The following KRCC1 variants were observed in gnomAD, a reference collection of about 807,000 sequenced individuals.
KRCC1 encodes the protein lysine rich coiled-coil 1.
In KRCC1, 3 loss-of-function variants were observed where a neutral mutation model predicts 7.4. The observed-to-expected ratio is 0.40, with a 90% CI of 0.18 to 1.04. The LOEUF (loss-of-function observed/expected upper bound fraction) is 1.04. KRCC1 is among the 50% of genes least tolerant of loss of function. KRCC1 has a pLI of 0.33. For missense variants in KRCC1, 277 were observed against 300.9 expected (o/e 0.92, Z 0.59); for synonymous variants, 102 against 101.6 (o/e 1.00, Z -0.02).
At chr2:88,047,409 G>GT (rs1303719876) in intron 1 of KRCC1, among the ~76,000 whole-genome samples, 2 of 151,814 alleles carry the variant, frequency 1.3e-5, no homozygotes, top group African/African-American at 4.8e-5. Flanking sequence ...CATATGAAAT[G>GT]TTTTTCAGAC....
chr2:88,039,478 G>A (rs962906745), intron 1 of KRCC1, among the ~76,000 whole-genome samples: 4 of 152,122 alleles, frequency 2.6e-5, no homozygotes, highest in Non-Finnish European at 4.4e-5. Context: ...CTTGAGCCCA[G>A]GAGTTTGAGA....
rs1672896928 is a variant in KRCC1, at chr2:88,027,544, G to A, written c.*240C>T. 2.5e-6 allele frequency: 1 copy of A among 400,760 alleles called. No individual in the cohort carries two copies. Among genetic ancestry groups the A allele is most frequent in the African/African-American group, 2.1e-5 (1 of 48,304 alleles). 24.8% of individuals were successfully genotyped at this position (400,760 alleles called of 1,614,324 possible). A position where few individuals can be genotyped will look rare whatever the true frequency, so the allele number is the denominator to read the frequency against. ...AAGCAATTTGATGAATAAAAGCAGA[G>A]TCACTTTCATTAAAGGAAATTACAC... On this transcript the variant is annotated 3_prime_UTR_variant, in exon 4 of 4. Transcript: ENST00000347055.
At chr2:88,044,863 A>ATTT (rs11302450) in intron 1 of KRCC1, among the ~76,000 whole-genome samples, 88 of 105,844 alleles carry the variant, frequency 8.3e-4, no homozygotes, top group African/African-American at 2.1e-3. Context: ...GAGTTTGATA[A>ATTT]TTTTTTTTTT....
At chr2:88,048,702 C>T (rs1037428586) in intron 1 of KRCC1, among the ~76,000 whole-genome samples, 1 of 152,138 alleles carries the variant, frequency 6.6e-6, no homozygotes, top group African/African-American at 2.4e-5. Context: ...ACTGGCTAGG[C>T]GCTCTAGTAC....
At position 88,034,312 on chromosome 2, in the gene KRCC1, T is replaced by C. The variant is rs978696050; in HGVS notation, c.-181-20A>G. ...ACTCATCTGAAACCAAACACAATCT[T>C]GTTACAAAGATTAAATAATTCAAAG... On this transcript the variant is annotated intron_variant, in intron 2 of 3. Coordinates refer to ENST00000347055, the MANE Select transcript of KRCC1 (RefSeq NM_016618.3). 1 of 152,544 alleles carries C rather than the reference T, an allele frequency of 6.6e-6. No homozygotes were observed. 9.4% of individuals were successfully genotyped at this position (152,544 alleles called of 1,614,324 possible). A position where few individuals can be genotyped will look rare whatever the true frequency, so the allele number is the denominator to read the frequency against.
At chr2:88,041,447 G>C (rs1476821855) in intron 1 of KRCC1, among the ~76,000 whole-genome samples, 1 of 152,194 alleles carries the variant, frequency 6.6e-6, no homozygotes, top group African/African-American at 2.4e-5. Flanking sequence ...CAAATGTATA[G>C]TATCTTGCAC....
intron 3 of KRCC1, among the ~76,000 whole-genome samples, chr2:88,032,347 CTG>C (rs145990811): frequency 4.7e-5 from 7 of 148,700 alleles, no homozygotes; most frequent in Admixed American, 4.1e-4. Flanking sequence ...CACATTTTTA[CTG>C]TGTCTTTTTG....
At chr2:88,053,991 G>C (rs1379124560) in intron 1 of KRCC1, among the ~76,000 whole-genome samples, 1 of 152,164 alleles carries the variant, frequency 6.6e-6, no homozygotes, top group African/African-American at 2.4e-5. Flanking sequence ...TTTTACTTAG[G>C]TCTTCTGCAG....
intron 1 of KRCC1, among the ~76,000 whole-genome samples, chr2:88,053,121 G>C (rs1673532954): frequency 6.6e-6 from 1 of 151,404 alleles, no homozygotes; most frequent in African/African-American, 2.4e-5. Context: ...TCTTCTCGGG[G>C]GTACGATCAT....
intron 3 of KRCC1, among the ~76,000 whole-genome samples, chr2:88,033,427 G>A (rs1435639919): frequency 1.3e-5 from 2 of 152,170 alleles, no homozygotes; most frequent in Admixed American, 6.5e-5. Flanking sequence ...TTGGGAGGCT[G>A]AGGCAGGAGA....
Position 88,046,732 on chromosome 2 carries a change from G to A in KRCC1, c.-291+8894C>T, listed in dbSNP as rs370478321. On this transcript the variant is annotated intron_variant, in intron 1 of 3. Coordinates refer to ENST00000347055, the MANE Select transcript of KRCC1 (RefSeq NM_016618.3). Reference sequence around the variant, plus strand: ...GTCACCCAGGTTAGAGTGCAGTGGTGCAATCTCGACTCACAGCAGCCTCAA... The same window carrying A: ...GTCACCCAGGTTAGAGTGCAGTGGTACAATCTCGACTCACAGCAGCCTCAA... 6.6e-5 allele frequency among the ~76,000 whole-genome samples: 10 copies of A among 152,328 alleles called. No homozygotes were observed. The East Asian group carries it at 1.9e-3, about 29-fold the overall frequency.
chr2:88,052,786 T>C (rs950516566), intron 1 of KRCC1, among the ~76,000 whole-genome samples: 1 of 152,260 alleles, frequency 6.6e-6, no homozygotes, highest in Non-Finnish European at 1.5e-5. Flanking sequence ...TGACTGTTAG[T>C]ATACTTGTGT....
At chr2:88,051,690 C>T (rs1673490866) in intron 1 of KRCC1, among the ~76,000 whole-genome samples, 1 of 152,124 alleles carries the variant, frequency 6.6e-6, no homozygotes, top group South Asian at 2.1e-4. Flanking sequence ...TAGTCTCAAC[C>T]TTAACAGAGA....
chr2:88,045,191 G>A (rs6751369), intron 1 of KRCC1, among the ~76,000 whole-genome samples: 146,464 of 152,258 alleles, frequency 0.96, 70,478 homozygotes, highest in East Asian at 1. Flanking sequence ...AATTTTTTAT[G>A]AAGTTAAATA....
At chr2:88,047,008 T>G (rs1334323586) in intron 1 of KRCC1, among the ~76,000 whole-genome samples, 1 of 152,132 alleles carries the variant, frequency 6.6e-6, no homozygotes, top group Non-Finnish European at 1.5e-5. Context: ...GTAAAACCAC[T>G]GTGAAAGTTA....
chr2:88,032,358 TGTTTAGATAG>T lies in KRCC1; in HGVS notation c.-23+1766_-23+1775del, dbSNP rs1190010559. On this transcript the variant is annotated intron_variant, in intron 3 of 3. Coordinates refer to ENST00000347055, the MANE Select transcript of KRCC1 (RefSeq NM_016618.3). ...ATACCACATTTTTACTGTGTCTTTT[TGTTTAGATAG>T]GTTTAGATACACAAACACTTACTGT... 3.9e-5 allele frequency among the ~76,000 whole-genome samples: 6 copies of T among 152,248 alleles called. No individual in the cohort carries two copies. The East Asian group carries it at 1.2e-3, about 29-fold the overall frequency.
rs1673207576 is a variant in KRCC1, at chr2:88,041,400, G to A, written c.-290-4349C>T. Among the ~76,000 whole-genome samples the A allele has an allele frequency of 2.0e-5, 3 of 152,194 alleles. No homozygotes were observed. The South Asian group carries it at 6.2e-4, about 31-fold the overall frequency. ...TGAATAAGCATTAAGCATTCAAAAA[G>A]CAGTGAATTTGATTTTGGAACAAAT... On this transcript the variant is annotated intron_variant, in intron 1 of 3. Coordinates refer to ENST00000347055, the MANE Select transcript of KRCC1 (RefSeq NM_016618.3).
At chr2:88,033,387 G>A (rs1349999013) in intron 3 of KRCC1, among the ~76,000 whole-genome samples, 1 of 152,152 alleles carries the variant, frequency 6.6e-6, no homozygotes, top group African/African-American at 2.4e-5. Context: ...TTAGCCGGGT[G>A]TGGTGGCACA....
intron 1 of KRCC1, among the ~76,000 whole-genome samples, chr2:88,044,113 C>G (rs1673277559): frequency 6.6e-6 from 1 of 152,232 alleles, no homozygotes; most frequent in Admixed American, 6.5e-5. Context: ...ACAAGGCAGT[C>G]TGGCTCCATA....
Sources: gnomAD v4.1 joint callset for allele counts (sites outside exome capture counted in the v4.1 genomes callset) on GRCh38, gnomAD v4.1.1 for gene constraint, MANE v1.5 for transcripts, NCBI Gene and HGNC (gene_info 2026-07-23, HGNC 2026-07-21) for gene names.